Variants in MYLK3 observed in about 807,000 individuals in gnomAD.
The protein encoded by MYLK3 is myosin light chain kinase 3.
Under a neutral mutation model 76.3 loss-of-function variants are expected in MYLK3, and 55 were observed. That is an observed-to-expected ratio of 0.72 (90% confidence interval 0.58 to 0.90). The LOEUF (loss-of-function observed/expected upper bound fraction) is 0.90, where lower values mean the gene tolerates loss of function less well. Ranked by LOEUF, MYLK3 falls within the 40% of genes least tolerant of loss-of-function variation. MYLK3 has a pLI of 0.00. For missense variants in MYLK3, 973 were observed against 1,053.6 expected (o/e 0.92, Z 1.06); for synonymous variants, 416 against 425.4 (o/e 0.98, Z 0.27).
intron 1 of MYLK3, among the ~76,000 whole-genome samples, chr16:46,757,999 A>G (rs1003142133): frequency 3.9e-5 from 6 of 151,976 alleles, no homozygotes; most frequent in African/African-American, 1.4e-4. Flanking sequence ...GGCTGCTTGT[A>G]CCCTGGCCGG....
intron 3 of MYLK3, 117 bp downstream of exon 3, chr16:46,737,594 T>C (rs913642504): frequency 2.2e-5 from 22 of 1,007,550 alleles, no homozygotes; most frequent in Non-Finnish European, 2.9e-5. Flanking sequence ...TCCTCCCCAT[T>C]CCCCTCGCAA....
chr16:46,707,665 C>T lies in MYLK3; in HGVS notation c.*39G>A. 1 of 1,442,944 alleles carries T rather than the reference C, an allele frequency of 6.9e-7. No individual in the cohort carries two copies. Among genetic ancestry groups the T allele is most frequent in the Non-Finnish European group, 9.7e-7 (1 of 1,033,730 alleles). 89.4% of individuals were successfully genotyped at this position (1,442,944 alleles called of 1,614,324 possible). On this transcript the variant is annotated 3_prime_UTR_variant, in exon 13 of 13. Coordinates refer to ENST00000394809, the MANE Select transcript of MYLK3 (RefSeq NM_182493.3). ...CATCTCTTCACTTCACCACTGGCCTCAGTAATTTCTGGACCCATTGGAGCA... is the reference window on the plus strand; with the variant it reads ...CATCTCTTCACTTCACCACTGGCCTTAGTAATTTCTGGACCCATTGGAGCA...
At chr16:46,714,241 A>G (rs1183320987) in intron 9 of MYLK3, among the ~76,000 whole-genome samples, 1 of 152,194 alleles carries the variant, frequency 6.6e-6, no homozygotes, top group Non-Finnish European at 1.5e-5. Context: ...CAATAGCCCT[A>G]TGAAATAGGT....
chr16:46,717,298 T>G (rs1339222229), intron 9 of MYLK3, among the ~76,000 whole-genome samples: 1 of 152,174 alleles, frequency 6.6e-6, no homozygotes, highest in Non-Finnish European at 1.5e-5. Flanking sequence ...ATCACAGAAG[T>G]CTTCAGTGTT....
chr16:46,712,752 CT>C lies in MYLK3; in HGVS notation c.2009del (p.Lys670ArgfsTer2). The stretch of plus-strand genomic sequence containing the variant: ...GGAACTCAGGAGTGCCGAAGTTCAC[CT>C]TCAGCTTCTCTCGAGGCTTGTACCT... Reference protein sequence around the residue: ...ARRYKPREKLKVNFGTPEFLA... With the variant: ...ARRYKPREKLXVNFGTPEFLA... On this transcript the variant is annotated frameshift_variant, in exon 10 of 13. Coordinates refer to ENST00000394809, the MANE Select transcript of MYLK3 (RefSeq NM_182493.3). LOFTEE classifies it high-confidence loss of function. The C allele has an allele frequency of 6.2e-7, 1 of 1,600,520 alleles. No individual in the cohort carries two copies. Among genetic ancestry groups the C allele is most frequent in the Non-Finnish European group, 8.5e-7 (1 of 1,173,432 alleles).
intron 1 of MYLK3, among the ~76,000 whole-genome samples, chr16:46,747,425 C>T (rs533509677): frequency 1.3e-5 from 2 of 152,328 alleles, no homozygotes; most frequent in South Asian, 2.1e-4. Context: ...TGTGGTGGTC[C>T]TCCCTCCCAA....
At chr16:46,757,675 C>T in intron 1 of MYLK3, 1 of 893,002 alleles carries the variant, frequency 1.1e-6, no homozygotes, top group Non-Finnish European at 1.3e-6. Context: ...TATCTCTGAC[C>T]CTGTCCAGGC....
upstream of MYLK3, among the ~76,000 whole-genome samples, chr16:46,750,651 G>A (rs1342266736): frequency 2.6e-5 from 4 of 151,956 alleles, no homozygotes; most frequent in East Asian, 3.9e-4. Context: ...CCAAGATTGC[G>A]CCACTGCCCT....
intron 9 of MYLK3, among the ~76,000 whole-genome samples, chr16:46,717,233 G>A (rs1421083900): frequency 2.0e-5 from 3 of 152,118 alleles, no homozygotes; most frequent in African/African-American, 7.2e-5. Flanking sequence ...TGAACTGCAG[G>A]ACACCCAGCT....
Position 46,710,734 on chromosome 16 carries a change from T to C in MYLK3, c.2170A>G (p.Ile724Val). Residue 724 changes from isoleucine (I) to valine (V), a missense_variant, in exon 11 of 13, where the codon ATT becomes GTT. Ile to Val is a conservative substitution (Grantham distance 29). Around this residue, in one of 2 missense-constraint regions of MYLK3, gnomAD observed 332 missense variants for 416.6 expected, o/e 0.80. Transcript: ENST00000394809. Reference sequence around the variant, plus strand: ...TCAAAATCCCAGCTACAGTTTACAATGAAATTCATGGTCTCTGCATCTGTT... The same window carrying C: ...TCAAAATCCCAGCTACAGTTTACAACGAAATTCATGGTCTCTGCATCTGTT... The part of the protein sequence containing the change: ...GETDAETMNF[I>V]VNCSWDFDAD... 1 of 1,613,998 alleles carries C rather than the reference T, an allele frequency of 6.2e-7. No individual in the cohort carries two copies. The highest frequency in any genetic ancestry group is 8.5e-7 in the Non-Finnish European group (1 of 1,180,014).
chr16:46,709,776 C>T, intron 11 of MYLK3, 105 bp from the exon 12 acceptor site: 2 of 1,294,150 alleles, frequency 1.5e-6, no homozygotes, highest in South Asian at 1.4e-5. Flanking sequence ...ACAGATTAAT[C>T]ATTTAGGCAG....
In MYLK3 at chr16:46,707,640, C is replaced by A; in HGVS notation, c.*64G>T. ...AGCCAAATTATTTAAATGTTTGAGT[C>A]ATCTCTTCACTTCACCACTGGCCTC... On this transcript the variant is annotated 3_prime_UTR_variant, in exon 13 of 13. Coordinates refer to ENST00000394809, the MANE Select transcript of MYLK3 (RefSeq NM_182493.3). 1 of 1,106,482 alleles carries A rather than the reference C, an allele frequency of 9.0e-7. No homozygotes were observed. Among genetic ancestry groups the A allele is most frequent in the South Asian group, 1.4e-5 (1 of 71,224 alleles). 68.5% of individuals were successfully genotyped at this position (1,106,482 alleles called of 1,614,324 possible). A position where few individuals can be genotyped will look rare whatever the true frequency, so the allele number is the denominator to read the frequency against.
chr16:46,708,159 C>T (rs1038038408), intron 12 of MYLK3, among the ~76,000 whole-genome samples: 3 of 152,072 alleles, frequency 2.0e-5, no homozygotes, highest in Admixed American at 6.5e-5. Flanking sequence ...GCAACCACCA[C>T]CACGACCAGC....
rs1966609132 is a variant in MYLK3 at position 46,704,804 on chromosome 16, C to G, written c.*2900G>C. The G allele has an allele frequency of 6.6e-6, 1 of 152,178 alleles. No individual in the cohort carries two copies. 9.4% of individuals were successfully genotyped at this position (152,178 alleles called of 1,614,324 possible). A position where few individuals can be genotyped will look rare whatever the true frequency, so the allele number is the denominator to read the frequency against. ...GATGTTTCATAGCATTCTCCAGAATCTTAAGTCGAAAACAGGGTATGAACC... is the reference window on the plus strand; with the variant it reads ...GATGTTTCATAGCATTCTCCAGAATGTTAAGTCGAAAACAGGGTATGAACC... On this transcript the variant is annotated 3_prime_UTR_variant, in exon 13 of 13. Transcript: ENST00000394809.
At chr16:46,730,724 T>C (rs778767872) in intron 4 of MYLK3, 26 bp from the exon 5 acceptor site, 10 of 1,605,202 alleles carry the variant, frequency 6.2e-6, no homozygotes, top group Non-Finnish European at 8.5e-7. Context: ...TAAGGACCTG[T>C]GAGCCTCCTC....
upstream of MYLK3, among the ~76,000 whole-genome samples, chr16:46,752,423 G>A (rs957852440): frequency 6.6e-5 from 10 of 151,752 alleles, no homozygotes; most frequent in African/African-American, 1.9e-4. Flanking sequence ...TTTAAATGTC[G>A]TCACCCAGGT....
At chr16:46,721,343 A>G in intron 8 of MYLK3, 150 bp from the exon 9 acceptor site, 1 of 662,776 alleles carries the variant, frequency 1.5e-6, no homozygotes, top group East Asian at 2.7e-5. Context: ...ATGGAAATAC[A>G]TGAAGGGGCT....
chr16:46,729,622 A>G lies in MYLK3; in HGVS notation c.1634T>C (p.Ile545Thr). Residue 545 changes from isoleucine (I) to threonine (T), a missense_variant, in exon 6 of 13, where the codon ATC (isoleucine) becomes ACC (threonine). Coordinates refer to ENST00000394809, the MANE Select transcript of MYLK3 (RefSeq NM_182493.3). ...GTCCTTGGCGCTCTTCACTTTGATG[A>G]TCTTGGCAGCCAGTGGGAGGCCTGT... is the stretch of plus-strand genomic sequence containing the variant. The part of the protein sequence containing the change: ...KSTGLPLAAK[I>T]IKVKSAKDRE... The G allele has an allele frequency of 6.2e-7, 1 of 1,613,722 alleles. No individual in the cohort carries two copies. The highest frequency in any genetic ancestry group is 8.5e-7 in the Non-Finnish European group (1 of 1,179,800).
intron 10 of MYLK3, among the ~76,000 whole-genome samples, chr16:46,711,280 A>G (rs1966680592): frequency 6.6e-6 from 1 of 152,166 alleles, no homozygotes; most frequent in Admixed American, 6.5e-5. Context: ...GAACTTCCCC[A>G]GCCTGGCGCA....
Sources: allele counts gnomAD v4.1 joint callset (sites outside exome capture counted in the v4.1 genomes callset), GRCh38; gene constraint gnomAD v4.1.1; regional missense constraint gnomAD v4.1.1; transcripts MANE v1.5; gene names NCBI Gene and HGNC (gene_info 2026-07-23, HGNC 2026-07-21).